The following CDH12 variants were observed in gnomAD, a reference collection of about 807,000 sequenced individuals.
The protein encoded by CDH12 is cadherin 12, also known as cadherin-12.
CDH12 carries 41 observed loss-of-function variants against 74.1 expected under a neutral mutation model. The observed-to-expected ratio is 0.55, with a 90% CI of 0.43 to 0.72. The LOEUF (loss-of-function observed/expected upper bound fraction) is 0.72. Among genes scored for constraint, CDH12 ranks in the 30% least tolerant of loss-of-function variants. The pLI is 0.00. For synonymous variants in CDH12, 399 were observed against 355.0 expected, an observed-to-expected ratio of 1.12 and a Z score of -1.39; for missense variants, 945 against 977.2, an observed-to-expected ratio of 0.97 and a Z score of 0.44.
chr5:22,765,440 A>G (rs751426985), intron 1 of CDH12, among the ~76,000 whole-genome samples: 6 of 151,976 alleles, frequency 3.9e-5, no homozygotes, highest in Non-Finnish European at 7.4e-5. Context: ...GGTTGAATAT[A>G]AAAATATCTC....
intron 2 of CDH12, among the ~76,000 whole-genome samples, chr5:22,461,472 TA>T (rs1017262648): frequency 7.1e-6 from 1 of 140,592 alleles, no homozygotes. Flanking sequence ...TATCTATAGT[TA>T]AAAAAAAGCA....
chr5:22,290,187 C>T (rs1737322240), intron 3 of CDH12, among the ~76,000 whole-genome samples: 1 of 148,710 alleles, frequency 6.7e-6, no homozygotes, highest in African/African-American at 2.5e-5. Flanking sequence ...TAAATACTTA[C>T]TAATTCAAAT....
chr5:22,269,666 G>C (rs569395039), intron 3 of CDH12, among the ~76,000 whole-genome samples: 1 of 152,206 alleles, frequency 6.6e-6, no homozygotes, highest in African/African-American at 2.4e-5. Context: ...GATGATACAG[G>C]AAACTCCAGA....
intron 4 of CDH12, among the ~76,000 whole-genome samples, chr5:22,097,100 CCT>C (rs1300974241): frequency 6.6e-6 from 1 of 152,210 alleles, no homozygotes; most frequent in African/African-American, 2.4e-5. Flanking sequence ...GAACCTCCTC[CCT>C]CAGGAGCTTG....
At chr5:21,896,404 TCCTCTTTTC>T in intron 6 of CDH12, among the ~76,000 whole-genome samples, 1 of 152,224 alleles carries the variant, frequency 6.6e-6, no homozygotes, top group Admixed American at 6.5e-5. Flanking sequence ...AAAGATGGCA[TCCTCTTTTC>T]ATTATATGTA....
chr5:22,694,681 T>G (rs1561582410), intron 1 of CDH12, among the ~76,000 whole-genome samples: 1 of 151,104 alleles, frequency 6.6e-6, no homozygotes, highest in East Asian at 1.9e-4. Context: ...ATTAGAATAA[T>G]TTTATATTTG....
At chr5:22,509,498 G>C (rs1736516820) in intron 1 of CDH12, among the ~76,000 whole-genome samples, 1 of 152,134 alleles carries the variant, frequency 6.6e-6, no homozygotes, top group African/African-American at 2.4e-5. Context: ...CAAGCTACTA[G>C]CAATAAAGTC....
At chr5:21,843,319 A>G (rs1481184657) in intron 7 of CDH12, among the ~76,000 whole-genome samples, 7 of 152,144 alleles carry the variant, frequency 4.6e-5, no homozygotes, top group Non-Finnish European at 1.0e-4. Flanking sequence ...TAAATCAACC[A>G]TCAACAAACA....
intron 3 of CDH12, among the ~76,000 whole-genome samples, chr5:22,321,128 T>C (rs1158596292): frequency 6.6e-6 from 1 of 152,124 alleles, no homozygotes; most frequent in Non-Finnish European, 1.5e-5. Flanking sequence ...AGGAAATTAT[T>C]GTTTTTCAAA....
chr5:22,172,821 C>T (rs550179296), intron 4 of CDH12, among the ~76,000 whole-genome samples: 35 of 151,456 alleles, frequency 2.3e-4, no homozygotes, highest in Admixed American at 5.9e-4. Flanking sequence ...TATATTAATG[C>T]AAATTTTACA....
intron 5 of CDH12, among the ~76,000 whole-genome samples, chr5:22,024,060 G>A (rs4337820): frequency 1.3e-5 from 2 of 151,984 alleles, no homozygotes; most frequent in Non-Finnish European, 2.9e-5. Flanking sequence ...CCACTACCAT[G>A]GGGAGGTGAT....
At chr5:21,830,199 CAAAAAAAAA>C (rs1055199877) in intron 8 of CDH12, among the ~76,000 whole-genome samples, 19 of 25,250 alleles carry the variant, frequency 7.5e-4, no homozygotes, top group East Asian at 4.3e-3. Context: ...AACTCCTTCT[CAAAAAAAAA>C]AAAAAAAAAA....
intron 2 of CDH12, among the ~76,000 whole-genome samples, chr5:22,460,196 GTT>G (rs1554042439): frequency 6.6e-6 from 1 of 151,950 alleles, no homozygotes; most frequent in Non-Finnish European, 1.5e-5. Flanking sequence ...TCTGGGTTTT[GTT>G]TTACTTTTAC....
At chr5:22,019,545 G>A (rs1737829532) in intron 5 of CDH12, among the ~76,000 whole-genome samples, 1 of 152,156 alleles carries the variant, frequency 6.6e-6, no homozygotes, top group Admixed American at 6.5e-5. Context: ...CGTAAGGAGA[G>A]GAAGAGACTA....
rs558830090 is a variant in CDH12 at position 22,244,971 on chromosome 5, G to A, written c.-332-32328C>T. ...CTAGAAAAGAGCATTCCTGGAGGAG[G>A]GAAGAGTCAGTGAAGGGACCTTGAA... On this transcript the variant is annotated intron_variant, in intron 3 of 14. Coordinates refer to ENST00000382254, the MANE Select transcript of CDH12 (RefSeq NM_004061.5). 1.3e-4 allele frequency among the ~76,000 whole-genome samples: 20 copies of A among 152,180 alleles called. No individual in the cohort carries two copies. In the East Asian group the frequency reaches 3.7e-3, roughly 28 times the overall value.
intron 3 of CDH12, among the ~76,000 whole-genome samples, chr5:22,334,759 C>G (rs184532702): frequency 4.6e-5 from 7 of 152,268 alleles, no homozygotes; most frequent in East Asian, 3.9e-4. Context: ...AAAACACAGT[C>G]TCTTCAATAA....
chr5:21,803,339 G>T (rs913768267), intron 9 of CDH12, among the ~76,000 whole-genome samples: 4 of 151,856 alleles, frequency 2.6e-5, no homozygotes, highest in South Asian at 2.1e-4. Context: ...AAGAATTTTT[G>T]TGTGTGTGTG....
chr5:22,593,095 T>C (rs1039038807), intron 1 of CDH12, among the ~76,000 whole-genome samples: 1 of 151,614 alleles, frequency 6.6e-6, no homozygotes, highest in Non-Finnish European at 1.5e-5. Context: ...ACATGCAAGA[T>C]TCAGCGATCT....
intron 1 of CDH12, among the ~76,000 whole-genome samples, chr5:22,529,180 T>TAG (rs1737450530): frequency 5.8e-5 from 5 of 86,470 alleles, no homozygotes; most frequent in East Asian, 3.6e-4. Flanking sequence ...TATATATATA[T>TAG]ATATATATAG....
Sources: allele counts gnomAD v4.1 joint callset (sites outside exome capture counted in the v4.1 genomes callset), GRCh38; gene constraint gnomAD v4.1.1; transcripts MANE v1.5; gene names NCBI Gene and HGNC (gene_info 2026-07-23, HGNC 2026-07-21).